MYLK4: variants seen among roughly 807,000 people sequenced by gnomAD.
MYLK4 encodes the protein caMLCK like.
In MYLK4, 46 loss-of-function variants were observed where a neutral mutation model predicts 48.1. The ratio of observed to expected loss-of-function variants is 0.96; its 90% CI spans 0.75 to 1.22. The LOEUF is 1.22. MYLK4 is among the 50% of genes most tolerant of loss of function. The pLI is 0.00. For missense variants in MYLK4, 451 were observed against 486.1 expected (o/e 0.93, Z 0.68); for synonymous variants, 170 against 180.8 (o/e 0.94, Z 0.48).
chr6:2,770,064 T>C, the MYLK4 span: 2 of 1,607,900 alleles, frequency 1.2e-6, no homozygotes, highest in Middle Eastern at 1.6e-4. Context: ...TTACATAGGA[T>C]TCTGCAGGTG....
At chr6:2,744,270 C>G (rs1038523351) in intron 2 of MYLK4, 5 of 349,580 alleles carry the variant, frequency 1.4e-5, no homozygotes, top group Non-Finnish European at 2.6e-5. Context: ...AGATCTGAAA[C>G]AGGTGTAGGG....
intron 2 of MYLK4, among the ~76,000 whole-genome samples, chr6:2,713,052 C>T (rs908609134): frequency 1.3e-5 from 2 of 152,178 alleles, no homozygotes; most frequent in Non-Finnish European, 2.9e-5. Context: ...TACAGTGACA[C>T]ATGTGAAAGC....
chr6:2,746,472 T>C (rs1275172703), intron 2 of MYLK4, among the ~76,000 whole-genome samples: 1 of 152,108 alleles, frequency 6.6e-6, no homozygotes, highest in East Asian at 1.9e-4. Context: ...ACAAAAAGAA[T>C]CTGAGTTTTA....
chr6:2,687,555 C>T (rs1761608124), intron 4 of MYLK4, among the ~76,000 whole-genome samples: 1 of 152,210 alleles, frequency 6.6e-6, no homozygotes, highest in African/African-American at 2.4e-5. Flanking sequence ...TAGTTGCTGG[C>T]TTGCCACTGA....
the MYLK4 span, chr6:2,768,589 T>G: frequency 1.0e-6 from 1 of 964,922 alleles, no homozygotes; most frequent in Non-Finnish European, 1.5e-6. Context: ...GAGGTCAAGT[T>G]GCTTTTGGTA....
At chr6:2,702,914 C>G (rs574653897) in intron 2 of MYLK4, among the ~76,000 whole-genome samples, 1 of 152,208 alleles carries the variant, frequency 6.6e-6, no homozygotes, top group Non-Finnish European at 1.5e-5. Context: ...GAACACCAAG[C>G]TGAACTCTTC....
chr6:2,765,379 A>C, the MYLK4 span: 1 of 342,138 alleles, frequency 2.9e-6, no homozygotes. Context: ...CGCCGGGGCA[A>C]ACGGCCACGA....
intron 2 of MYLK4, among the ~76,000 whole-genome samples, chr6:2,727,252 C>T (rs1763309091): frequency 6.6e-6 from 1 of 152,214 alleles, no homozygotes; most frequent in African/African-American, 2.4e-5. Flanking sequence ...GCTCAGCCTT[C>T]AACATAAAAA....
chr6:2,765,764 G>A, the MYLK4 span: 3 of 1,473,080 alleles, frequency 2.0e-6, no homozygotes, highest in Non-Finnish European at 1.8e-6. Flanking sequence ...GGCGGGGCAC[G>A]CGGAGCCCGC....
At chr6:2,770,082 A>G in the MYLK4 span, 1 of 1,611,660 alleles carries the variant, frequency 6.2e-7, no homozygotes, top group Non-Finnish European at 8.5e-7. Context: ...GTGGCTGTTG[A>G]CTGGAATCAC....
chr6:2,761,820 T>A, the MYLK4 span, among the ~76,000 whole-genome samples: 2 of 152,204 alleles, frequency 1.3e-5, no homozygotes, highest in Non-Finnish European at 2.9e-5. Flanking sequence ...ACACACAATC[T>A]TTGCTTTGTA....
chr6:2,680,834 C>G (rs560104691), intron 7 of MYLK4, among the ~76,000 whole-genome samples: 2 of 152,170 alleles, frequency 1.3e-5, no homozygotes, highest in Non-Finnish European at 2.9e-5. Context: ...TCTCTCCAGT[C>G]GTTCTTCAGT....
chr6:2,736,055 A>G (rs1483244319), intron 2 of MYLK4, among the ~76,000 whole-genome samples: 2 of 152,232 alleles, frequency 1.3e-5, no homozygotes, highest in Admixed American at 6.5e-5. Context: ...GTCCATCATC[A>G]GTCCACCCTA....
At chr6:2,749,614 A>C (rs1764217010) in intron 1 of MYLK4, among the ~76,000 whole-genome samples, 1 of 152,254 alleles carries the variant, frequency 6.6e-6, no homozygotes, top group African/African-American at 2.4e-5. Context: ...AAACTACAAA[A>C]GCAAACAGTA....
In MYLK4 at chr6:2,674,475, G is replaced by C. The variant is rs1036242449; in HGVS notation, c.1119+572C>G. 2.6e-5 allele frequency among the ~76,000 whole-genome samples: 4 copies of C among 152,166 alleles called. No homozygotes were observed. The East Asian group carries it at 7.7e-4, about 29-fold the overall frequency. On this transcript the variant is annotated intron_variant, in intron 11 of 12. Coordinates refer to ENST00000274643, the MANE Select transcript of MYLK4 (RefSeq NM_001012418.5). ...ATGTATGTGCACATAAGACAATGAA[G>C]TAATTCATTTTATAATGGATACAAT...
intron 2 of MYLK4, among the ~76,000 whole-genome samples, chr6:2,700,080 T>C (rs1762230800): frequency 6.6e-6 from 1 of 152,188 alleles, no homozygotes; most frequent in Non-Finnish European, 1.5e-5. Context: ...CACCTTATAA[T>C]GAGTCTGATA....
rs905652828 is a variant in MYLK4, at chr6:2,672,500, G to A, written c.1120-1152C>T. Reference sequence around the variant, plus strand: ...CAAAATAGTAAGTGCTTTTAAGCTTGAAGCAAAAGAGACAAATAAAAATAT... The same window carrying A: ...CAAAATAGTAAGTGCTTTTAAGCTTAAAGCAAAAGAGACAAATAAAAATAT... On this transcript the variant is annotated intron_variant, in intron 11 of 12. Coordinates refer to ENST00000274643, the MANE Select transcript of MYLK4 (RefSeq NM_001012418.5). The surrounding 1 kb of genome is among the most constrained non-coding windows in gnomAD (Gnocchi z 4.3). 6.6e-6 allele frequency among the ~76,000 whole-genome samples: 1 copy of A among 152,186 alleles called. No homozygotes were observed. Among genetic ancestry groups the A allele is most frequent in the Non-Finnish European group, 1.5e-5 (1 of 68,034 alleles).
At chr6:2,730,283 A>C (rs966275305) in intron 2 of MYLK4, among the ~76,000 whole-genome samples, 2 of 152,184 alleles carry the variant, frequency 1.3e-5, no homozygotes, top group African/African-American at 4.8e-5. Context: ...TACTGCCCCC[A>C]AGGGAGCCCC....
At chr6:2,686,746 A>G (rs1761568793) in intron 4 of MYLK4, among the ~76,000 whole-genome samples, 1 of 152,236 alleles carries the variant, frequency 6.6e-6, no homozygotes, top group Non-Finnish European at 1.5e-5. Context: ...TGAATCTTGG[A>G]GAATGACACA....
Sources: allele counts gnomAD v4.1 joint callset (sites outside exome capture counted in the v4.1 genomes callset), GRCh38; gene constraint gnomAD v4.1.1; non-coding constraint Gnocchi (gnomAD v3.1); transcripts MANE v1.5; gene names NCBI Gene and HGNC (gene_info 2026-07-23, HGNC 2026-07-21).